HSPG2: variants seen among roughly 807,000 people sequenced by gnomAD.
HSPG2 encodes heparan sulfate proteoglycan 2.
Under a neutral mutation model 526.6 loss-of-function variants are expected in HSPG2, and 278 were observed. That is an observed-to-expected ratio of 0.53 (90% CI 0.48 to 0.58). The LOEUF (loss-of-function observed/expected upper bound fraction) is 0.58. HSPG2 is among the 20% of genes least tolerant of loss of function. The pLI is 0.00. For synonymous variants in HSPG2, 2,465 were observed against 2,555.4 expected (o/e 0.96, Z 1.07); for missense variants, 5,354 against 6,099.5 (o/e 0.88, Z 4.07).
chr1:21,876,512 C>T lies in HSPG2; in HGVS notation c.2826G>A (p.Gln942=), dbSNP rs140845415. The change falls in exon 22 of 97, where the codon CAG becomes CAA. Residue 942 remains glutamine, a splice_region_variant and synonymous_variant. Coordinates refer to ENST00000374695, the MANE Select transcript of HSPG2 (RefSeq NM_005529.7). Reference sequence around the variant, plus strand: ...CTGCCCGCCCACCTTGCAGAGGTACCTGGGCACGGCTCCATGAAGAGCTGG... The same window carrying T: ...CTGCCCGCCCACCTTGCAGAGGTACTTGGGCACGGCTCCATGAAGAGCTGG... The part of the protein sequence containing the change: ...HCTSSSWSRA[Q]LHGASEEPGH... 6 of 1,614,172 alleles carry T rather than the reference C, an allele frequency of 3.7e-6. No homozygotes were observed. The highest frequency in any genetic ancestry group is 1.3e-5 in the African/African-American group (1 of 75,062).
Position 21,829,991 on chromosome 1 carries a change from A to G in HSPG2, c.11770+2T>C. 6.2e-7 allele frequency: 1 copy of G among 1,604,668 alleles called. No individual in the cohort carries two copies. Among genetic ancestry groups the G allele is most frequent in the Non-Finnish European group, 8.5e-7 (1 of 1,176,356 alleles). ...GGGGGTCTCAGGCCTGGCTCCCCTC[A>G]CCTTCCTCACACCGCAACCCCGAGC... On this transcript the variant is annotated splice_donor_variant, in intron 86 of 96. Coordinates refer to ENST00000374695, the MANE Select transcript of HSPG2 (RefSeq NM_005529.7). LOFTEE classifies it high-confidence loss of function.
At chr1:21,869,902 C>G (rs554813422) in intron 33 of HSPG2, among the ~76,000 whole-genome samples, 6 of 152,314 alleles carry the variant, frequency 3.9e-5, no homozygotes, top group African/African-American at 1.4e-4. Flanking sequence ...GGGAGAAGCC[C>G]TACAAAGGGT....
At chr1:21,897,016 C>T (rs1293503677) in intron 1 of HSPG2, among the ~76,000 whole-genome samples, 1 of 152,190 alleles carries the variant, frequency 6.6e-6, no homozygotes, top group Non-Finnish European at 1.5e-5. Context: ...TGCTGCCGAG[C>T]CCAGGATAAG....
intron 1 of HSPG2, among the ~76,000 whole-genome samples, chr1:21,926,596 T>C (rs1299083686): frequency 1.3e-5 from 2 of 151,292 alleles, no homozygotes; most frequent in East Asian, 1.9e-4. Flanking sequence ...CTACTAAAAA[T>C]ACAAAAATTA....
At position 21,884,692 on chromosome 1, in the gene HSPG2, C is replaced by A. The variant is rs375710656; in HGVS notation, c.1508-18G>T. 1.9e-6 allele frequency: 3 copies of A among 1,610,546 alleles called. 1 individual carries two copies. In the South Asian group the frequency reaches 3.3e-5, roughly 18 times the overall value. On this transcript the variant is annotated intron_variant, in intron 12 of 96. Coordinates refer to ENST00000374695, the MANE Select transcript of HSPG2 (RefSeq NM_005529.7). ...GCAGGGGCCTGCTGGGCGGCATGGG[C>A]GGGGGCTGCAGCCGGCTGTGGTGGG...
chr1:21,905,508 G>A (rs1247937521), intron 1 of HSPG2, among the ~76,000 whole-genome samples: 3 of 152,278 alleles, frequency 2.0e-5, no homozygotes, highest in South Asian at 4.1e-4. Context: ...TTGGGAGGCC[G>A]AGGCGGGTGG....
chr1:21,927,264 AT>A (rs1399177842), intron 1 of HSPG2, among the ~76,000 whole-genome samples: 1 of 151,634 alleles, frequency 6.6e-6, no homozygotes, highest in East Asian at 1.9e-4. Flanking sequence ...GACCCGCCTG[AT>A]GGGGAGGGGG....
At chr1:21,930,316 AC>A (rs1410749709) in intron 1 of HSPG2, among the ~76,000 whole-genome samples, 1 of 149,528 alleles carries the variant, frequency 6.7e-6, no homozygotes, top group African/African-American at 2.5e-5. Context: ...CACCCTACCT[AC>A]CCCGCCTCAT....
rs1335142967 is a variant in HSPG2, at chr1:21,838,863, A to T, written c.10112T>A (p.Val3371Glu). 1 of 1,612,644 alleles carries T rather than the reference A, an allele frequency of 6.2e-7. No individual in the cohort carries two copies. Among genetic ancestry groups the T allele is most frequent in the African/African-American group, 1.3e-5 (1 of 75,038 alleles). Residue 3371 changes from valine (V) to glutamate (E), a missense_variant, in exon 74 of 97, where the codon GTG becomes GAG. Physicochemically the swap from Val to Glu is moderately radical, Grantham distance 121. Transcript: ENST00000374695. Reference protein sequence around the residue: ...GRYRCRVTNKVGSAEAFAQLL... With the variant: ...GRYRCRVTNKEGSAEAFAQLL... Reference sequence around the variant, plus strand: ...CTGGGCAAAGGCCTCGGCTGAGCCCACCTTGTTGGTGACCCGGCAGCGGTA... The same window carrying T: ...CTGGGCAAAGGCCTCGGCTGAGCCCTCCTTGTTGGTGACCCGGCAGCGGTA...
chr1:21,864,025 T>G lies in HSPG2; in HGVS notation c.4740+75A>C. On this transcript the variant is annotated intron_variant, in intron 37 of 96. Coordinates refer to ENST00000374695, the MANE Select transcript of HSPG2 (RefSeq NM_005529.7). The surrounding 1 kb of genome is among the most constrained non-coding windows in gnomAD (Gnocchi z 4.8). The stretch of plus-strand genomic sequence containing the variant: ...GATCCTGATCCCCTGGATTGATGCC[T>G]GCCTTGTCCAGCCCTGGTCCCCCAC... The G allele has an allele frequency of 1.7e-6, 2 of 1,156,272 alleles. No individual in the cohort carries two copies. The highest frequency in any genetic ancestry group is 2.5e-6 in the Non-Finnish European group (2 of 788,916). The allele number at this position is 1,156,272 out of a possible 1,614,324, so 71.6% of individuals were successfully genotyped here.
chr1:21,869,346 A>G (rs561796854), intron 33 of HSPG2: 3 of 604,782 alleles, frequency 5.0e-6, no homozygotes, highest in Non-Finnish European at 6.2e-6. Flanking sequence ...ATTTAAGAGA[A>G]AATTGGAAAG....
rs765452867 is a variant in HSPG2, at chr1:21,852,719, G to A, written c.6705C>T (p.Ile2235=). 5.6e-6 allele frequency: 9 copies of A among 1,613,380 alleles called. No individual in the cohort carries two copies. The Admixed American group carries it at 6.7e-5, about 12-fold the overall frequency. ...GPLEASVLVT[I]EASVIPGPIP... ...ACTCACCAGGGATGACAGAGGCTTC[G>A]ATGGTGACCAGGACTGAGGCCTCTA... Residue 2235 remains isoleucine, a synonymous_variant, in exon 52 of 97, where the codon ATC becomes ATT. Coordinates refer to ENST00000374695, the MANE Select transcript of HSPG2 (RefSeq NM_005529.7).
intron 1 of HSPG2, among the ~76,000 whole-genome samples, chr1:21,929,942 G>T (rs895648987): frequency 2.0e-5 from 3 of 152,152 alleles, no homozygotes; most frequent in African/African-American, 7.2e-5. Context: ...GACCCTCCCC[G>T]TGCTCCTCTC....
chr1:21,856,967 A>C, intron 44 of HSPG2, 48 bp downstream of exon 44: 4 of 1,564,606 alleles, frequency 2.6e-6, no homozygotes, highest in Non-Finnish European at 3.5e-6. Flanking sequence ...TCTGGTGGGA[A>C]TGGGGGAGAG....
chr1:21,876,786 C>T (rs1222248614), intron 21 of HSPG2, 134 bp from the exon 22 acceptor site: 12 of 1,171,058 alleles, frequency 1.0e-5, no homozygotes, highest in African/African-American at 3.0e-5. Context: ...TGGCTGGGCG[C>T]GGTGGCTCAC....
At position 21,887,547 on chromosome 1, in the gene HSPG2, G is replaced by C; in HGVS notation, c.831C>G (p.Pro277=). The C allele has an allele frequency of 6.2e-7, 1 of 1,614,122 alleles. No homozygotes were observed. Among genetic ancestry groups the C allele is most frequent in the Non-Finnish European group, 8.5e-7 (1 of 1,180,010 alleles). ...CACAGGGCAGGGGCCTGACGGAACCGGGAAGCAGGGGCTGAGGAGCGTGGG... is the reference window on the plus strand; with the variant it reads ...CACAGGGCAGGGGCCTGACGGAACCCGGAAGCAGGGGCTGAGGAGCGTGGG... ...PVTHAPQPLL[P]GSVRPLPCGP... Residue 277 remains proline, a synonymous_variant, in exon 8 of 97, where the codon CCC becomes CCG. Transcript: ENST00000374695. The surrounding 1 kb of genome is among the most constrained non-coding windows in gnomAD (Gnocchi z 5.0).
intron 83 of HSPG2, 48 bp downstream of exon 83, chr1:21,831,415 C>T (rs759316114): frequency 1.2e-6 from 2 of 1,606,780 alleles, no homozygotes; most frequent in African/African-American, 1.3e-5. Context: ...GCTCTTCCAG[C>T]CAGCCAGGTA....
At chr1:21,833,671 CCT>C in intron 78 of HSPG2, 57 bp from the exon 79 acceptor site, 2 of 1,607,484 alleles carry the variant, frequency 1.2e-6, no homozygotes, top group Admixed American at 1.7e-5. Context: ...CAGGGGCCCA[CCT>C]CCCATCTGTG....
Position 21,870,899 on chromosome 1 carries a change from C to T in HSPG2, c.4221+1287G>A, listed in dbSNP as rs183858417. ...TGTGGGGCGCAGGGAAATGCCAGGA[C>T]AGGAGACAGAGATAGGTCTGAGAAT... On this transcript the variant is annotated intron_variant, in intron 33 of 96. Transcript: ENST00000374695. The T allele has an allele frequency of 8.0e-5, 79 of 986,198 alleles. No individual in the cohort carries two copies. In the African/African-American group the frequency reaches 1.3e-3, roughly 16 times the overall value. The allele number at this position is 986,198 out of a possible 1,614,324, so 61.1% of individuals were successfully genotyped here.
Sources: allele counts gnomAD v4.1 joint callset (sites outside exome capture counted in the v4.1 genomes callset), GRCh38; gene constraint gnomAD v4.1.1; non-coding constraint Gnocchi (gnomAD v3.1); transcripts MANE v1.5; gene names NCBI Gene and HGNC (gene_info 2026-07-23, HGNC 2026-07-21).